The following OPCML variants were observed in gnomAD, a reference collection of about 807,000 sequenced individuals.
The protein encoded by OPCML is opioid-binding protein/cell adhesion molecule.
OPCML carries 13 observed loss-of-function variants against 37.8 expected under a neutral mutation model. The observed-to-expected ratio is 0.34, with a 90% CI of 0.22 to 0.55. The LOEUF is 0.55. Among genes scored for constraint, OPCML ranks in the 20% least tolerant of loss-of-function variants. OPCML has a pLI of 0.91. For synonymous variants in OPCML, 176 were observed against 168.8 expected (o/e 1.04, Z -0.33); for missense variants, 341 against 435.6 (o/e 0.78, Z 1.93).
chr11:133,157,790 CCTG>C (rs1207030998), intron 1 of OPCML, among the ~76,000 whole-genome samples: 1 of 152,198 alleles, frequency 6.6e-6, no homozygotes, highest in African/African-American at 2.4e-5. Context: ...GTCCACCTAG[CCTG>C]CTAATTTAAT....
chr11:133,039,419 C>A (rs1327425297), intron 1 of OPCML, among the ~76,000 whole-genome samples: 1 of 152,190 alleles, frequency 6.6e-6, no homozygotes. Flanking sequence ...AGCCCTCCAG[C>A]CCTGATCAGA....
intron 2 of OPCML, among the ~76,000 whole-genome samples, chr11:132,742,628 C>A (rs1244925667): frequency 6.6e-6 from 1 of 151,708 alleles, no homozygotes; most frequent in Non-Finnish European, 1.5e-5. Flanking sequence ...GCGCTCCATG[C>A]CAACCAAGAC....
chr11:133,088,064 G>A (rs1345989395), intron 1 of OPCML, among the ~76,000 whole-genome samples: 1 of 152,166 alleles, frequency 6.6e-6, no homozygotes, highest in Non-Finnish European at 1.5e-5. Context: ...CTGCATAGAA[G>A]TACATATCAA....
chr11:132,814,306 C>T (rs1939510368), intron 2 of OPCML, among the ~76,000 whole-genome samples: 1 of 152,122 alleles, frequency 6.6e-6, no homozygotes, highest in Admixed American at 6.5e-5. Context: ...GAGAAATTGG[C>T]TCATACGGTT....
intron 1 of OPCML, among the ~76,000 whole-genome samples, chr11:133,190,066 G>C (rs1284864268): frequency 6.6e-6 from 1 of 152,174 alleles, no homozygotes; most frequent in African/African-American, 2.4e-5. Flanking sequence ...CAGGCAGGCA[G>C]GATCAACAAA....
chr11:132,519,012 T>C (rs2096286352), intron 4 of OPCML, among the ~76,000 whole-genome samples: 1 of 152,202 alleles, frequency 6.6e-6, no homozygotes, highest in African/African-American at 2.4e-5. Flanking sequence ...TTCTCTAAAA[T>C]GCCCAGTGAA....
intron 2 of OPCML, among the ~76,000 whole-genome samples, chr11:132,727,191 A>T (rs1364791242): frequency 6.6e-6 from 1 of 152,196 alleles, no homozygotes; most frequent in Admixed American, 6.5e-5. Context: ...ACAGAGAAGA[A>T]AACCAGCATA....
intron 1 of OPCML, among the ~76,000 whole-genome samples, chr11:133,459,946 C>G: frequency 6.6e-6 from 1 of 151,992 alleles, no homozygotes; most frequent in Non-Finnish European, 1.5e-5. Context: ...TTGGTGCACT[C>G]TTCATGATAA....
chr11:133,187,060 C>T (rs1205682875), intron 1 of OPCML, among the ~76,000 whole-genome samples: 1 of 152,114 alleles, frequency 6.6e-6, no homozygotes, highest in Admixed American at 6.6e-5. Flanking sequence ...AGAATCACTG[C>T]AGCATTATAA....
chr11:132,420,269 A>C lies in OPCML; in HGVS notation c.941T>G (p.Val314Gly). The change falls in exon 8 of 8, where the codon GTA becomes GGA. Residue 314 changes from valine (V) to glycine (G), a missense_variant. Transcript: ENST00000524381. ...LYGPGAVIDG[V>G]NSASRALACL... ...AGCCAGTGCTCTGGAGGCCGAGTTTACACCATCAATGACTGCTCCAGGCCC... is the reference window on the plus strand; with the variant it reads ...AGCCAGTGCTCTGGAGGCCGAGTTTCCACCATCAATGACTGCTCCAGGCCC... 1 of 1,613,870 alleles carries C rather than the reference A, an allele frequency of 6.2e-7. No homozygotes were observed. The highest frequency in any genetic ancestry group is 1.3e-5 in the African/African-American group (1 of 75,022).
At chr11:132,768,036 T>A (rs1444292471) in intron 2 of OPCML, among the ~76,000 whole-genome samples, 1 of 152,178 alleles carries the variant, frequency 6.6e-6, no homozygotes, top group Non-Finnish European at 1.5e-5. Context: ...AGACACAGTC[T>A]CAAAGAGATG....
chr11:133,283,306 T>C (rs919121781), intron 1 of OPCML, among the ~76,000 whole-genome samples: 3 of 152,244 alleles, frequency 2.0e-5, no homozygotes, highest in South Asian at 2.1e-4. Flanking sequence ...CCGTAATGAA[T>C]GATAATGAGT....
intron 1 of OPCML, among the ~76,000 whole-genome samples, chr11:133,438,701 C>T (rs1383071606): frequency 6.6e-6 from 1 of 152,126 alleles, no homozygotes; most frequent in Non-Finnish European, 1.5e-5. Flanking sequence ...AGGAGGGGGG[C>T]TGCTTGCCAG....
At chr11:132,757,370 C>T (rs1946090957) in intron 2 of OPCML, among the ~76,000 whole-genome samples, 1 of 152,176 alleles carries the variant, frequency 6.6e-6, no homozygotes, top group Non-Finnish European at 1.5e-5. Context: ...CTTGAGGAAT[C>T]ACCACACTGC....
intron 1 of OPCML, among the ~76,000 whole-genome samples, chr11:133,197,406 T>G (rs749844605): frequency 6.6e-6 from 1 of 152,230 alleles, no homozygotes; most frequent in Non-Finnish European, 1.5e-5. Flanking sequence ...CCTTTTCATT[T>G]CAAAGTCCTC....
chr11:133,167,911 C>T (rs1267917229), intron 1 of OPCML, among the ~76,000 whole-genome samples: 3 of 152,180 alleles, frequency 2.0e-5, no homozygotes, highest in Admixed American at 6.5e-5. Flanking sequence ...TTTCAGTTCA[C>T]TCATTCATTC....
intron 2 of OPCML, among the ~76,000 whole-genome samples, chr11:132,938,263 A>G (rs1945460632): frequency 6.6e-6 from 1 of 152,064 alleles, no homozygotes; most frequent in Non-Finnish European, 1.5e-5. Context: ...GAGCCCCCAG[A>G]CTAACCATAA....
intron 2 of OPCML, among the ~76,000 whole-genome samples, chr11:132,682,453 A>G (rs1942989893): frequency 6.6e-6 from 1 of 152,200 alleles, no homozygotes; most frequent in Admixed American, 6.5e-5. Context: ...TTAAGATGCT[A>G]AAAGGGGGCC....
At chr11:133,477,910 C>G (rs1029186110) in intron 1 of OPCML, among the ~76,000 whole-genome samples, 6 of 151,966 alleles carry the variant, frequency 3.9e-5, no homozygotes, top group African/African-American at 1.5e-4. Flanking sequence ...CTGTTGTGAA[C>G]CAAATTAGAT....
Sources: allele counts gnomAD v4.1 joint callset (sites outside exome capture counted in the v4.1 genomes callset), GRCh38; gene constraint gnomAD v4.1.1; transcripts MANE v1.5; gene names NCBI Gene and HGNC (gene_info 2026-07-23, HGNC 2026-07-21).